The following UBXN2A variants were observed in gnomAD, a reference collection of about 807,000 sequenced individuals.
UBXN2A encodes UBX domain protein 2A, also known as UBX domain-containing protein 2A.
In UBXN2A, 28 loss-of-function variants were observed where a neutral mutation model predicts 28.4. The observed-to-expected ratio is 0.99, with a 90% confidence interval of 0.73 to 1.35. The LOEUF is 1.35. UBXN2A is among the 40% of genes most tolerant of loss of function. The pLI is 0.00. For synonymous variants in UBXN2A, 97 were observed against 103.6 expected (o/e 0.94, Z 0.39); for missense variants, 253 against 297.9 (o/e 0.85, Z 1.11).
upstream of UBXN2A, among the ~76,000 whole-genome samples, chr2:23,938,209 T>G (rs1705587117): frequency 2.6e-5 from 4 of 152,310 alleles, 1 homozygote; most frequent in South Asian, 8.3e-4. Context: ...CTCACACCTG[T>G]AATACCGGCA....
rs1465316856 is a variant in UBXN2A at position 24,000,924 on chromosome 2, A to G, written c.*1057A>G. The G allele has an allele frequency of 6.6e-6, 1 of 152,212 alleles. No individual in the cohort carries two copies. Among genetic ancestry groups the G allele is most frequent in the Admixed American group, 6.5e-5 (1 of 15,272 alleles). The allele number at this position is 152,212 out of a possible 1,614,324, so 9.4% of individuals were successfully genotyped here. A position where few individuals can be genotyped will look rare whatever the true frequency, so the allele number is the denominator to read the frequency against. On this transcript the variant is annotated 3_prime_UTR_variant, in exon 7 of 7. Coordinates refer to ENST00000309033, the MANE Select transcript of UBXN2A (RefSeq NM_181713.4). ...ATTCATTTGCCACCACTCACTTAGA[A>G]TATAATGCCGGTGTGTGTCACATTA... is the stretch of plus-strand genomic sequence containing the variant.
At chr2:23,942,313 G>A (rs1303696631) in intron 1 of UBXN2A, among the ~76,000 whole-genome samples, 2 of 152,014 alleles carry the variant, frequency 1.3e-5, no homozygotes, top group Non-Finnish European at 2.9e-5. Flanking sequence ...AATAGATGGC[G>A]CGGAGGCTAG....
intron 6 of UBXN2A, among the ~76,000 whole-genome samples, chr2:23,995,300 G>T (rs1459835692): frequency 6.6e-6 from 1 of 151,918 alleles, no homozygotes; most frequent in Non-Finnish European, 1.5e-5. Context: ...CTCACCTTGT[G>T]CATTTCCTTC....
chr2:23,950,019 CCCCA>C, intron 1 of UBXN2A, among the ~76,000 whole-genome samples: 1 of 135,564 alleles, frequency 7.4e-6, no homozygotes, highest in African/African-American at 2.7e-5. Context: ...CCACCCCCAC[CCCCA>C]CCCCAAGGAT....
chr2:23,952,659 AG>A (rs762854426), intron 1 of UBXN2A, among the ~76,000 whole-genome samples: 5 of 151,666 alleles, frequency 3.3e-5, no homozygotes, highest in Non-Finnish European at 7.4e-5. Context: ...TGGCCAGGCT[AG>A]TCTTGAACTC....
At chr2:23,975,659 A>G (rs1485002446) in intron 3 of UBXN2A, among the ~76,000 whole-genome samples, 2 of 151,994 alleles carry the variant, frequency 1.3e-5, no homozygotes, top group African/African-American at 2.4e-5. Flanking sequence ...TTTTTTTAAG[A>G]TGGCGTTTCA....
intron 1 of UBXN2A, among the ~76,000 whole-genome samples, chr2:23,947,564 CAATT>C (rs1202703810): frequency 1.3e-5 from 2 of 152,128 alleles, no homozygotes; most frequent in African/African-American, 4.8e-5. Context: ...GCAGCTCACT[CAATT>C]GATATAAATA....
chr2:23,993,373 T>C (rs1196013575), intron 6 of UBXN2A, among the ~76,000 whole-genome samples: 1 of 152,160 alleles, frequency 6.6e-6, no homozygotes, highest in Admixed American at 6.6e-5. Flanking sequence ...AGCATTTATT[T>C]AGTAATGATT....
At chr2:23,972,503 A>G (rs1707460354) in intron 3 of UBXN2A, among the ~76,000 whole-genome samples, 1 of 152,190 alleles carries the variant, frequency 6.6e-6, no homozygotes, top group African/African-American at 2.4e-5. Context: ...TTAATTAAGA[A>G]TGTCCTTGAT....
chr2:23,975,687 G>A (rs1707628090), intron 3 of UBXN2A, among the ~76,000 whole-genome samples: 1 of 151,882 alleles, frequency 6.6e-6, no homozygotes, highest in South Asian at 2.1e-4. Context: ...TGCCCAGGCT[G>A]GAGTGCAGTG....
intron 6 of UBXN2A, 96 bp from the exon 7 acceptor site, chr2:23,999,576 A>G: frequency 1.5e-6 from 2 of 1,328,300 alleles, no homozygotes; most frequent in Middle Eastern, 2.7e-4. Context: ...ATCTCTAATA[A>G]TAACATATCC....
At chr2:23,945,203 C>CA in intron 1 of UBXN2A, among the ~76,000 whole-genome samples, 1 of 152,140 alleles carries the variant, frequency 6.6e-6, no homozygotes, top group Non-Finnish European at 1.5e-5. Flanking sequence ...GTAACCTTGC[C>CA]AGTCTCTGCC....
chr2:23,943,406 G>A (rs1705867251), intron 1 of UBXN2A, among the ~76,000 whole-genome samples: 1 of 152,120 alleles, frequency 6.6e-6, no homozygotes, highest in Non-Finnish European at 1.5e-5. Context: ...GTACCTAACT[G>A]ATCTCTTCTC....
intron 6 of UBXN2A, among the ~76,000 whole-genome samples, chr2:23,989,869 C>T (rs1157470884): frequency 6.6e-6 from 1 of 152,132 alleles, no homozygotes; most frequent in Non-Finnish European, 1.5e-5. Flanking sequence ...TGCACCACTG[C>T]ATTCCAGCCT....
chr2:23,956,358 G>A (rs552663399), intron 1 of UBXN2A, among the ~76,000 whole-genome samples: 100 of 151,956 alleles, frequency 6.6e-4, no homozygotes, highest in Non-Finnish European at 1.3e-3. Context: ...TTTATTATTT[G>A]TTTCTTTTTT....
rs557833908 is a variant in UBXN2A, at chr2:23,976,257, T to A, written c.181-712T>A. Among the ~76,000 whole-genome samples, 10 of 152,256 alleles carry A rather than the reference T, an allele frequency of 6.6e-5. 1 individual carries two copies. The South Asian group carries it at 2.1e-3, about 32-fold the overall frequency. ...CAGTTAAAATTTTTCTAAGGGAAGA[T>A]TGCGGTGAAACCCTTCTTCCTTCAG... On this transcript the variant is annotated intron_variant, in intron 3 of 6. Coordinates refer to ENST00000309033, the MANE Select transcript of UBXN2A (RefSeq NM_181713.4).
upstream of UBXN2A, among the ~76,000 whole-genome samples, chr2:23,940,210 C>G (rs1004727540): frequency 3.3e-5 from 5 of 151,968 alleles, no homozygotes; most frequent in African/African-American, 1.2e-4. Flanking sequence ...GGATGTCTCT[C>G]CATGGTTTCT....
intron 6 of UBXN2A, among the ~76,000 whole-genome samples, chr2:23,986,905 G>T (rs1708154808): frequency 6.6e-6 from 1 of 151,420 alleles, no homozygotes; most frequent in African/African-American, 2.4e-5. Context: ...ACCGTGCCCA[G>T]CCTTCTTAAA....
intron 3 of UBXN2A, among the ~76,000 whole-genome samples, chr2:23,971,979 G>A (rs1222226355): frequency 6.6e-6 from 1 of 152,036 alleles, no homozygotes; most frequent in African/African-American, 2.4e-5. Flanking sequence ...TGTGCCTGTA[G>A]TCCCAGCTTC....
Sources: allele counts gnomAD v4.1 joint callset (sites outside exome capture counted in the v4.1 genomes callset), GRCh38; gene constraint gnomAD v4.1.1; transcripts MANE v1.5; gene names NCBI Gene and HGNC (gene_info 2026-07-23, HGNC 2026-07-21).